The following FNBP1 variants were observed in gnomAD, a reference collection of about 807,000 sequenced individuals.
The protein encoded by FNBP1 is formin binding protein 1.
In FNBP1, 26 loss-of-function variants were observed where a neutral mutation model predicts 90.6. The observed-to-expected ratio is 0.29, with a 90% CI of 0.21 to 0.40. FNBP1 has a LOEUF of 0.40. Ranked by LOEUF, FNBP1 falls within the 10% of genes least tolerant of loss-of-function variation. The probability of loss-of-function intolerance (pLI) is 1.00; values close to 1 mark genes in which losing one functional copy is unlikely to be tolerated. For missense variants in FNBP1, 635 were observed against 768.0 expected, an observed-to-expected ratio of 0.83 and a Z score of 2.05; for synonymous variants, 260 against 265.2, an observed-to-expected ratio of 0.98 and a Z score of 0.19.
intron 4 of FNBP1, among the ~76,000 whole-genome samples, chr9:129,965,805 G>GGAGGAAGGAAGGA (rs1672976123): frequency 2.5e-5 from 2 of 79,800 alleles, no homozygotes; most frequent in African/African-American, 1.0e-4. Context: ...AGGGGGGAAG[G>GGAGGAAGGAAGGA]AGGGAGGGAG....
chr9:129,929,695 C>T lies in FNBP1; in HGVS notation c.514G>A (p.Ala172Thr), dbSNP rs2042431829. The change falls in exon 7 of 17, where the codon GCC becomes ACC. Residue 172 changes from alanine (A) to threonine (T), a missense_variant and splice_region_variant. Ala to Thr is a moderately conservative substitution (Grantham distance 58). Transcript: ENST00000446176. ...INVTKADVEK[A>T]RQQAQIRHQM... Reference sequence around the variant, plus strand: ...TGACGTATTTGAGCTTGTTGTCGGGCCTTAGGGCAAAAACAAGAATACTCC... The same window carrying T: ...TGACGTATTTGAGCTTGTTGTCGGGTCTTAGGGCAAAAACAAGAATACTCC... 6.2e-7 allele frequency: 1 copy of T among 1,613,572 alleles called. No homozygotes were observed.
chr9:129,961,743 C>A (rs2047859002), intron 4 of FNBP1, among the ~76,000 whole-genome samples: 1 of 151,990 alleles, frequency 6.6e-6, no homozygotes, highest in African/African-American at 2.4e-5. Context: ...ACCCACCACG[C>A]CCAGCTAATT....
chr9:130,005,327 A>G (rs1376426468), intron 1 of FNBP1, among the ~76,000 whole-genome samples: 1 of 145,130 alleles, frequency 6.9e-6, no homozygotes, highest in African/African-American at 2.5e-5. Context: ...ATTAATTTCC[A>G]TAGACAAATT....
intron 1 of FNBP1, among the ~76,000 whole-genome samples, chr9:130,000,919 T>G (rs2054737204): frequency 1.3e-5 from 2 of 152,214 alleles, no homozygotes; most frequent in South Asian, 2.1e-4. Flanking sequence ...CTAAAGAGCT[T>G]CTCATCTTAC....
intron 1 of FNBP1, among the ~76,000 whole-genome samples, chr9:130,037,044 C>CA (rs34633401): frequency 0.58 from 74,451 of 128,798 alleles, 21,029 homozygotes; most frequent in East Asian, 0.83. Flanking sequence ...GACTCCATCT[C>CA]AAAAAAAAAA....
At chr9:129,896,817 G>C (rs1357129193) in intron 15 of FNBP1, among the ~76,000 whole-genome samples, 1 of 151,796 alleles carries the variant, frequency 6.6e-6, no homozygotes, top group Non-Finnish European at 1.5e-5. Context: ...TTTTAGTAGA[G>C]ACGAGGTTTC....
chr9:129,923,743 G>A (rs375241906), intron 10 of FNBP1, 101 bp downstream of exon 10: 21 of 1,224,536 alleles, frequency 1.7e-5, no homozygotes, highest in Non-Finnish European at 2.1e-5. Context: ...TATATGTTAT[G>A]GGAAAACACA....
At chr9:130,037,611 G>C (rs2059437632) in intron 1 of FNBP1, among the ~76,000 whole-genome samples, 1 of 152,056 alleles carries the variant, frequency 6.6e-6, no homozygotes, top group Non-Finnish European at 1.5e-5. Context: ...CAACAGAGAA[G>C]GGATAATTTT....
intron 6 of FNBP1, among the ~76,000 whole-genome samples, chr9:129,956,708 G>A (rs1168788340): frequency 6.6e-6 from 1 of 152,116 alleles, no homozygotes. Flanking sequence ...TCTTCCAGAT[G>A]GCCCTGTCCT....
chr9:129,890,579 CTCTGTTAGAGAGGAAGGCGCG>C lies in FNBP1; in HGVS notation c.1847-54_1847-34del, dbSNP rs1564240220. 1.9e-6 allele frequency: 3 copies of C among 1,563,576 alleles called. No individual in the cohort carries two copies. In the South Asian group the frequency reaches 3.5e-5, roughly 18 times the overall value. On this transcript the variant is annotated intron_variant, in intron 16 of 16. Coordinates refer to ENST00000446176, the MANE Select transcript of FNBP1 (RefSeq NM_015033.3). This position sits in a 1 kb window ranked among gnomAD's most constrained non-coding sequence, Gnocchi z 5.8. ...ACAAAGAGAAACAGAAAGAGAAACTCTCTGTTAGAGAGGAAGGCGCGGGTTCCAGGCGGGCATTTTGCTCTT... is the reference window on the plus strand; with the variant it reads ...ACAAAGAGAAACAGAAAGAGAAACTCGGTTCCAGGCGGGCATTTTGCTCTT...
rs2042444998 is a variant in FNBP1 at position 129,929,760 on chromosome 9, A to G, written c.514-65T>C. The G allele has an allele frequency of 3.3e-6, 5 of 1,526,638 alleles. No homozygotes were observed. The South Asian group carries it at 3.5e-5, about 11-fold the overall frequency. The allele number at this position is 1,526,638 out of a possible 1,614,324, so 94.6% of individuals were successfully genotyped here. On this transcript the variant is annotated intron_variant, in intron 6 of 16. Transcript: ENST00000446176. ...ATAGATAAAAGCCTGGGTGCAATCA[A>G]TAAAAGCCTAGAACTGCACACTGGG...
intron 1 of FNBP1, among the ~76,000 whole-genome samples, chr9:130,007,239 C>CAAAAAAA (rs72063140): frequency 2.5e-4 from 19 of 76,960 alleles, no homozygotes; most frequent in Non-Finnish European, 3.2e-4. Context: ...GAGATCCTGT[C>CAAAAAAA]AAAAAAAAAA....
Position 129,967,016 on chromosome 9 carries a change from T to C in FNBP1, c.346-8463A>G, listed in dbSNP as rs143378001. ...GTAGATGTGGAAGAGGGGTGAGAAG[T>C]GCTTGGACTCAGAACATTTACTGAA... On this transcript the variant is annotated intron_variant, in intron 4 of 16. Coordinates refer to ENST00000446176, the MANE Select transcript of FNBP1 (RefSeq NM_015033.3). Among the ~76,000 whole-genome samples the C allele has an allele frequency of 6.4e-3, 967 of 152,242 alleles. 3 individuals carry two copies. Among genetic ancestry groups the C allele is most frequent in the East Asian group, 0.013 (66 of 5,172 alleles).
chr9:129,892,414 C>CACACACACACACACACACAA lies in FNBP1; in HGVS notation c.1847-1869_1847-1868insTTGTGTGTGTGTGTGTGTGT, dbSNP rs762912634. Among the ~76,000 whole-genome samples, 11 of 125,324 alleles carry CACACACACACACACACACAA rather than the reference C, an allele frequency of 8.8e-5. No individual in the cohort carries two copies. The East Asian group carries it at 2.0e-3, about 23-fold the overall frequency. The allele number at this position is 125,324 out of a possible 152,430, so 82.2% of individuals were successfully genotyped here. A position where few individuals can be genotyped will look rare whatever the true frequency, so the allele number is the denominator to read the frequency against. ...ACACACACACACACACACACACACACACAAAAAGGTTGACCGGCATTATAA... is the reference window on the plus strand; with the variant it reads ...ACACACACACACACACACACACACACACACACACACACACACACAAACAAAAAGGTTGACCGGCATTATAA... On this transcript the variant is annotated intron_variant, in intron 16 of 16. Transcript: ENST00000446176.
chr9:129,920,764 TA>T (rs1403031669), intron 10 of FNBP1, among the ~76,000 whole-genome samples: 1 of 152,098 alleles, frequency 6.6e-6, no homozygotes, highest in African/African-American at 2.4e-5. Flanking sequence ...AAACAAATGG[TA>T]AACAATCATG....
At chr9:129,905,441 A>G (rs1032619418) in intron 12 of FNBP1, among the ~76,000 whole-genome samples, 3 of 151,802 alleles carry the variant, frequency 2.0e-5, no homozygotes, top group African/African-American at 7.3e-5. Flanking sequence ...CCTCCTGAGT[A>G]GCTGGGACTA....
At chr9:129,931,746 T>C (rs980802848) in intron 6 of FNBP1, among the ~76,000 whole-genome samples, 2 of 151,438 alleles carry the variant, frequency 1.3e-5, no homozygotes, top group Admixed American at 6.6e-5. Context: ...TACAGTAAGC[T>C]GTGACTGCGC....
intron 6 of FNBP1, among the ~76,000 whole-genome samples, chr9:129,949,707 AAAAC>A (rs754357728): frequency 6.6e-5 from 10 of 151,074 alleles, no homozygotes; most frequent in Non-Finnish European, 1.0e-4. Context: ...ACAAAAAGTA[AAAAC>A]AAACAAACAA....
intron 1 of FNBP1, among the ~76,000 whole-genome samples, chr9:130,002,327 T>C (rs867452795): frequency 1.3e-5 from 2 of 152,366 alleles, no homozygotes; most frequent in South Asian, 4.1e-4. Flanking sequence ...ATAGTTTGGA[T>C]GTCTGTCCCC....
Sources: gnomAD v4.1 joint callset for allele counts (sites outside exome capture counted in the v4.1 genomes callset) on GRCh38, gnomAD v4.1.1 for gene constraint, Gnocchi (gnomAD v3.1) non-coding constraint, MANE v1.5 for transcripts, NCBI Gene and HGNC (gene_info 2026-07-23, HGNC 2026-07-21) for gene names.